Variants in TXNRD1 observed in about 807,000 individuals in gnomAD.
TXNRD1 encodes the protein thioredoxin reductase 1, cytoplasmic.
Under a neutral mutation model 80.3 loss-of-function variants are expected in TXNRD1, and 57 were observed. That is an observed-to-expected ratio of 0.71 (90% CI 0.57 to 0.89). The LOEUF (loss-of-function observed/expected upper bound fraction) is 0.89. Among genes scored for constraint, TXNRD1 ranks in the 40% least tolerant of loss-of-function variants. TXNRD1 has a pLI of 0.00. For missense variants in TXNRD1, 730 were observed against 803.0 expected (o/e 0.91, Z 1.10); for synonymous variants, 291 against 285.2 (o/e 1.02, Z -0.20).
chr12:104,340,206 A>C (rs1351385155), intron 16 of TXNRD1, among the ~76,000 whole-genome samples: 1 of 152,214 alleles, frequency 6.6e-6, no homozygotes, highest in Non-Finnish European at 1.5e-5. Flanking sequence ...GGCATCATTT[A>C]TTTCTTTCAT....
rs77085421 is a variant in TXNRD1, at chr12:104,308,468, T to A, written c.415-2822T>A. ...CAGTGCCATTCTTCTAATTAAAAAATTTTTTAAAATAAAAATACGTTAACA... is the reference window on the plus strand; with the variant it reads ...CAGTGCCATTCTTCTAATTAAAAAAATTTTTAAAATAAAAATACGTTAACA... On this transcript the variant is annotated intron_variant, in intron 4 of 16. Transcript: ENST00000525566. Among the ~76,000 whole-genome samples, 991 of 152,154 alleles carry A rather than the reference T, an allele frequency of 6.5e-3. 30 individuals carry two copies. The highest frequency in any genetic ancestry group is 0.047 in the Admixed American group (711 of 15,286).
chr12:104,242,907 C>T (rs958567171), intron 1 of TXNRD1, among the ~76,000 whole-genome samples: 2 of 152,282 alleles, frequency 1.3e-5, no homozygotes, highest in East Asian at 1.9e-4. Context: ...CTCAGGCTCA[C>T]GCAGCCACTG....
intron 3 of TXNRD1, among the ~76,000 whole-genome samples, chr12:104,282,646 G>T (rs1468996311): frequency 1.3e-5 from 2 of 152,082 alleles, no homozygotes; most frequent in Non-Finnish European, 2.9e-5. Flanking sequence ...GGAGAGCAAT[G>T]AAATGGGGTG....
chr12:104,230,351 G>T (rs964750406), intron 1 of TXNRD1, among the ~76,000 whole-genome samples: 2 of 152,138 alleles, frequency 1.3e-5, no homozygotes, highest in Admixed American at 6.5e-5. Context: ...TTACAGGCAT[G>T]AGCCACTGTG....
chr12:104,260,274 C>T (rs1304139054), intron 3 of TXNRD1, among the ~76,000 whole-genome samples: 2 of 151,830 alleles, frequency 1.3e-5, no homozygotes, highest in African/African-American at 2.4e-5. Flanking sequence ...TCAAGACCAG[C>T]CTGACCAGTA....
At chr12:104,339,010 C>T in intron 15 of TXNRD1, 129 bp from the exon 16 acceptor site, 1 of 1,285,898 alleles carries the variant, frequency 7.8e-7, no homozygotes, top group Non-Finnish European at 1.1e-6. Flanking sequence ...GCCACTGCGC[C>T]CGGCCAGTCT....
intron 16 of TXNRD1, among the ~76,000 whole-genome samples, chr12:104,341,152 G>A (rs2036311922): frequency 6.6e-6 from 1 of 152,150 alleles, no homozygotes; most frequent in Admixed American, 6.5e-5. Flanking sequence ...CATGGCTGTG[G>A]GGAGGTCAGC....
chr12:104,273,693 TGCGCGTGGCA>T (rs1314221847), intron 3 of TXNRD1, among the ~76,000 whole-genome samples: 1 of 152,238 alleles, frequency 6.6e-6, no homozygotes, highest in Non-Finnish European at 1.5e-5. Flanking sequence ...CGCCCCGACC[TGCGCGTGGCA>T]GCCTTCTGCA....
At chr12:104,294,253 C>T (rs1015110974) in intron 4 of TXNRD1, among the ~76,000 whole-genome samples, 19 of 140,622 alleles carry the variant, frequency 1.4e-4, no homozygotes, top group African/African-American at 4.9e-4. Context: ...CCGCCGCCGG[C>T]TTTCCCGGTC....
intron 3 of TXNRD1, chr12:104,288,671 C>T: frequency 8.6e-7 from 1 of 1,165,706 alleles, no homozygotes; most frequent in Middle Eastern, 2.8e-4. Context: ...TTAACCCTGA[C>T]TAGAACTCTG....
At chr12:104,257,590 A>G (rs1368969585) in intron 2 of TXNRD1, among the ~76,000 whole-genome samples, 5 of 151,890 alleles carry the variant, frequency 3.3e-5, no homozygotes, top group African/African-American at 1.2e-4. Flanking sequence ...TGTATATTTA[A>G]TAGAGACGGG....
At chr12:104,297,006 A>C (rs2034456531) in intron 4 of TXNRD1, among the ~76,000 whole-genome samples, 1 of 152,198 alleles carries the variant, frequency 6.6e-6, no homozygotes, top group South Asian at 2.1e-4. Context: ...GTACTTATTT[A>C]AAAATTCATT....
chr12:104,215,855 A>G lies in TXNRD1; in HGVS notation c.53A>G (p.Gln18Arg). The G allele has an allele frequency of 6.4e-7, 1 of 1,560,522 alleles. No individual in the cohort carries two copies. Among genetic ancestry groups the G allele is most frequent in the African/African-American group, 1.4e-5 (1 of 73,450 alleles). Residue 18 changes from glutamine to arginine, a missense_variant, in exon 1 of 17, where the codon CAG becomes CGG. Gln to Arg is a conservative substitution (Grantham distance 43). Transcript: ENST00000525566. The stretch of plus-strand genomic sequence containing the variant: ...GCGGCGGCCGCCCCAACGGAGCTGC[A>G]GACGAAAGGCAAGAACGGCGATGGC... ...AVAAAAPTEL[Q>R]TKGKNGDGRR...
chr12:104,276,404 G>A (rs912817976), intron 3 of TXNRD1, among the ~76,000 whole-genome samples: 1 of 152,184 alleles, frequency 6.6e-6, no homozygotes, highest in African/African-American at 2.4e-5. Flanking sequence ...GCTGGAGCTG[G>A]CTCGTACCAG....
intron 3 of TXNRD1, chr12:104,287,021 C>T (rs1390091051): frequency 2.1e-5 from 28 of 1,363,572 alleles, no homozygotes; most frequent in Non-Finnish European, 2.5e-5. Flanking sequence ...CCTTTCACCT[C>T]AGTTTTCTTC....
At position 104,326,387 on chromosome 12, in the gene TXNRD1, T is replaced by C; in HGVS notation, c.1349T>C (p.Ile450Thr). 2 of 1,596,476 alleles carry C rather than the reference T, an allele frequency of 1.3e-6. No individual in the cohort carries two copies. Among genetic ancestry groups the C allele is most frequent in the Non-Finnish European group, 1.7e-6 (2 of 1,172,874 alleles). ...AIGRDACTRK[I>T]GLETVGVKIN... The stretch of plus-strand genomic sequence containing the variant: ...GGAAGAGATGCTTGCACAAGAAAAA[T>C]TGGCTTAGAAACCGTAGGGGTGAAG... The change falls in exon 12 of 17, where the codon ATT becomes ACT. Residue 450 changes from isoleucine to threonine, a missense_variant. By Grantham distance (89) the Ile-to-Thr change is moderately conservative (BLOSUM62 -1). Transcript: ENST00000525566.
At chr12:104,305,923 C>T (rs1028407627) in intron 4 of TXNRD1, among the ~76,000 whole-genome samples, 3 of 151,884 alleles carry the variant, frequency 2.0e-5, no homozygotes, top group South Asian at 2.1e-4. Flanking sequence ...TTTTCCCCCT[C>T]GAGACAGAGT....
rs371451228 is a variant in TXNRD1 at position 104,339,242 on chromosome 12, G to A, written c.1850G>A (p.Ser617Asn). ...KCGLTKKQLDSTIGIHPVCAE... is the reference protein window; with the variant it reads ...KCGLTKKQLDNTIGIHPVCAE... ...GGACTGACCAAAAAGCAGCTGGACA[G>A]CACAATTGGAATCCACCCTGTCTGT... The change falls in exon 16 of 17, where the codon AGC (serine) becomes AAC (asparagine). Residue 617 changes from serine to asparagine, a missense_variant. Physicochemically the swap from Ser to Asn is conservative, Grantham distance 46. Coordinates refer to ENST00000525566, the MANE Select transcript of TXNRD1 (RefSeq NM_001093771.3). The A allele has an allele frequency of 1.4e-5, 23 of 1,613,836 alleles. No homozygotes were observed. In the African/African-American group the frequency reaches 2.8e-4, roughly 20 times the overall value.
At chr12:104,281,247 A>T (rs1311508344) in intron 3 of TXNRD1, among the ~76,000 whole-genome samples, 1 of 152,134 alleles carries the variant, frequency 6.6e-6, no homozygotes, top group Non-Finnish European at 1.5e-5. Flanking sequence ...TACATCTCTT[A>T]TTCCATCCAT....
Sources: gnomAD v4.1 joint callset for allele counts (sites outside exome capture counted in the v4.1 genomes callset) on GRCh38, gnomAD v4.1.1 for gene constraint, MANE v1.5 for transcripts, NCBI Gene and HGNC (gene_info 2026-07-23, HGNC 2026-07-21) for gene names.